The following NOXO1 variants were observed in gnomAD, a reference collection of about 807,000 sequenced individuals.
NOXO1 encodes the protein NADPH oxidase regulatory protein.
A neutral mutation model predicts 33.3 loss-of-function variants in NOXO1; 38 were observed. The observed-to-expected ratio is 1.14, with a 90% CI of 0.88 to 1.50. The LOEUF (loss-of-function observed/expected upper bound fraction) is 1.50, where lower values mean the gene tolerates loss of function less well. NOXO1 is among the 40% of genes most tolerant of loss of function. The pLI, the probability that NOXO1 is intolerant of heterozygous loss-of-function variation, is 0.00. For synonymous variants in NOXO1, 302 were observed against 237.3 expected, an observed-to-expected ratio of 1.27 and a Z score of -2.51; for missense variants, 675 against 527.1, an observed-to-expected ratio of 1.28 and a Z score of -2.75.
intron 3 of NOXO1, 24 bp from the exon 4 acceptor site, chr16:1,980,568 T>C (rs2083484258): frequency 6.3e-7 from 1 of 1,597,376 alleles, no homozygotes; most frequent in Admixed American, 1.7e-5. Context: ...AAAAACGTAC[T>C]GTGATACGCC....
rs1263958574 is a variant in NOXO1 at position 1,979,547 on chromosome 16, T to G, written c.701-5A>C. 6.2e-7 allele frequency: 1 copy of G among 1,605,214 alleles called. No homozygotes were observed. The highest frequency in any genetic ancestry group is 1.1e-5 in the South Asian group (1 of 90,294). Reference sequence around the variant, plus strand: ...GGGAAGCACAGAACTGGGGACCTGGTGGGAGTGGGTGTTTGGAGTCACCGC... The same window carrying G: ...GGGAAGCACAGAACTGGGGACCTGGGGGGAGTGGGTGTTTGGAGTCACCGC... On this transcript the variant is annotated splice_region_variant and splice_polypyrimidine_tract_variant and intron_variant, in intron 6 of 7. Coordinates refer to ENST00000356120, the MANE Select transcript of NOXO1 (RefSeq NM_172167.3).
In NOXO1 at chr16:1,981,370, C is replaced by T. The variant is rs1253299402; in HGVS notation, c.-191G>A. ...GCTTTCTTGCTGTCCCCCAAGCCCA[C>T]GATCTGGGGGCAGGAGCACAGGGAT... On this transcript the variant is annotated 5_prime_UTR_variant, in exon 1 of 8. The change creates a new upstream start codon in the 5' untranslated region. Coordinates refer to ENST00000356120, the MANE Select transcript of NOXO1 (RefSeq NM_172167.3). 8.7e-6 allele frequency: 12 copies of T among 1,371,484 alleles called. No individual in the cohort carries two copies. Among genetic ancestry groups the T allele is most frequent in the African/African-American group, 2.9e-5 (2 of 68,508 alleles). The allele number at this position is 1,371,484 out of a possible 1,614,324, so 85.0% of individuals were successfully genotyped here.
At chr16:1,980,250 G>A in intron 4 of NOXO1, 69 bp from the exon 5 acceptor site, 2 of 1,523,644 alleles carry the variant, frequency 1.3e-6, no homozygotes, top group Non-Finnish European at 8.8e-7. Context: ...GCGCCACCCC[G>A]GCAAGACCGC....
rs777520125 is a variant in NOXO1 at position 1,979,333 on chromosome 16, C to A, written c.835G>T (p.Gly279Cys). 1.3e-6 allele frequency: 2 copies of A among 1,574,944 alleles called. No homozygotes were observed. The highest frequency in any genetic ancestry group is 1.7e-6 in the Non-Finnish European group (2 of 1,167,804). ...WWLCRYGDRAGLLPAVLLRPE... is the reference protein window; with the variant it reads ...WWLCRYGDRACLLPAVLLRPE... ...CGCAGCAGCACCGCGGGGAGTAGGC[C>A]CGCCCGGTCGCCGTACCTGCGAGGG... The change falls in exon 8 of 8, where the codon GGC becomes TGC. Residue 279 changes from glycine (G) to cysteine (C), a missense_variant. Coordinates refer to ENST00000356120, the MANE Select transcript of NOXO1 (RefSeq NM_172167.3).
Position 1,980,358 on chromosome 16 carries a change from G to C in NOXO1, c.401+9C>G. ...GCTGCATGCTGGGAGTTTGGGGCGA[G>C]TCAGGCACCTGCCGGGTGGCAGCGC... On this transcript the variant is annotated intron_variant, in intron 4 of 7. Coordinates refer to ENST00000356120, the MANE Select transcript of NOXO1 (RefSeq NM_172167.3). 2.5e-6 allele frequency: 4 copies of C among 1,598,414 alleles called. No homozygotes were observed. The highest frequency in any genetic ancestry group is 3.4e-6 in the Non-Finnish European group (4 of 1,177,988).
chr16:1,979,397 T>G, intron 7 of NOXO1, 28 bp downstream of exon 7: 1 of 1,599,744 alleles, frequency 6.3e-7, no homozygotes, highest in Non-Finnish European at 8.5e-7. Flanking sequence ...TCGGCTAGCC[T>G]GCCCTGCCCA....
chr16:1,979,339 G>C lies in NOXO1; in HGVS notation c.829C>G (p.Arg277Gly). Residue 277 changes from arginine (R) to glycine (G), a missense_variant, in exon 8 of 8, where the codon CGG becomes GGG. Physicochemically the swap from Arg to Gly is moderately radical, Grantham distance 125 (BLOSUM62 -2). Transcript: ENST00000356120. The part of the protein sequence containing the change: ...RGWWLCRYGD[R>G]AGLLPAVLLR... Reference sequence around the variant, plus strand: ...AGCACCGCGGGGAGTAGGCCCGCCCGGTCGCCGTACCTGCGAGGGGCGGGG... The same window carrying C: ...AGCACCGCGGGGAGTAGGCCCGCCCCGTCGCCGTACCTGCGAGGGGCGGGG... The C allele has an allele frequency of 6.3e-7, 1 of 1,576,064 alleles. No homozygotes were observed. The highest frequency in any genetic ancestry group is 1.1e-5 in the South Asian group (1 of 87,858).
At position 1,979,522 on chromosome 16, in the gene NOXO1, G is replaced by C. The variant is rs142869246; in HGVS notation, c.721C>G (p.Arg241Gly). ...TCTGCGCGGCTGCTCTCGTAGGCGC[G>C]GGAAGCACAGAACTGGGGACCTGGT... ...GSSGPQFCASRAYESSRADEL... is the reference protein window; with the variant it reads ...GSSGPQFCASGAYESSRADEL... The change falls in exon 7 of 8, where the codon CGC becomes GGC. Residue 241 changes from arginine (R) to glycine (G), a missense_variant. Arg to Gly is a moderately radical substitution (Grantham distance 125, BLOSUM62 -2). Transcript: ENST00000356120. The C allele has an allele frequency of 6.2e-7, 1 of 1,611,124 alleles. No homozygotes were observed. Among genetic ancestry groups the C allele is most frequent in the African/African-American group, 1.3e-5 (1 of 75,002 alleles).
chr16:1,979,580 C>T (rs1459728843), intron 6 of NOXO1, 38 bp from the exon 7 acceptor site: 1 of 1,536,942 alleles, frequency 6.5e-7, no homozygotes, highest in African/African-American at 1.4e-5. Context: ...CGCGGGGCCA[C>T]AGAGGACGAG....
chr16:1,981,159 T>G lies in NOXO1; in HGVS notation c.21A>C (p.Pro7=). MAGPRY[P]VSVQGAALVQ... ...CCAGGGCTGCCCCTTGCACTGAAAC[T>G]GGGTATCGGGGGCCTGCCATGGCTG... Residue 7 remains proline (P), a synonymous_variant, in exon 1 of 8, where the codon CCA becomes CCC. Coordinates refer to ENST00000356120, the MANE Select transcript of NOXO1 (RefSeq NM_172167.3). The G allele has an allele frequency of 1.5e-5, 24 of 1,613,514 alleles. No homozygotes were observed. Among genetic ancestry groups the G allele is most frequent in the Non-Finnish European group, 2.0e-5 (24 of 1,180,008 alleles).
In NOXO1 at chr16:1,979,480, CG is replaced by C. The variant is rs2083453054; in HGVS notation, c.762del (p.Ala255ArgfsTer41). The C allele has an allele frequency of 6.2e-7, 1 of 1,611,788 alleles. No individual in the cohort carries two copies. The highest frequency in any genetic ancestry group is 8.5e-7 in the Non-Finnish European group (1 of 1,179,536). The stretch of plus-strand genomic sequence containing the variant: ...TCCAACACGCGCACGCGCGCCCCCG[CG>C]GGCACGGACAGCTCATCTGCGCGGC... ...ESSRADELSVPAGARVRVLET... is the reference protein window; with the variant it reads ...ESSRADELSVXAGARVRVLET... On this transcript the variant is annotated frameshift_variant, in exon 7 of 8. Transcript: ENST00000356120. LOFTEE classifies it high-confidence loss of function.
chr16:1,979,404 C>T, intron 7 of NOXO1, 21 bp downstream of exon 7: 1 of 1,602,490 alleles, frequency 6.2e-7, no homozygotes. Flanking sequence ...GCCTGCCCTG[C>T]CCACGCCCGC....
Position 1,979,258 on chromosome 16 carries a change from C to T in NOXO1, c.910G>A (p.Asp304Asn). The change falls in exon 8 of 8, where the codon GAC becomes AAC. Residue 304 changes from aspartate to asparagine, a missense_variant. By Grantham distance (23) the Asp-to-Asn change is conservative (BLOSUM62 1). Transcript: ENST00000356120. Reference sequence around the variant, plus strand: ...CCCCGGGCCTCACCCGCCGGGTCGTCTCCTCCACGGAACCCCGTCCCGCTC... The same window carrying T: ...CCCCGGGCCTCACCCGCCGGGTCGTTTCCTCCACGGAACCCCGTCCCGCTC... ...LLSGTGFRGGDDPAGEARGFP... is the reference protein window; with the variant it reads ...LLSGTGFRGGNDPAGEARGFP... 1 of 1,530,696 alleles carries T rather than the reference C, an allele frequency of 6.5e-7. No individual in the cohort carries two copies. The highest frequency in any genetic ancestry group is 8.7e-7 in the Non-Finnish European group (1 of 1,145,718). 94.8% of individuals were successfully genotyped at this position (1,530,696 alleles called of 1,614,324 possible). A position where few individuals can be genotyped will look rare whatever the true frequency, so the allele number is the denominator to read the frequency against.
Position 1,980,709 on chromosome 16 carries a change from G to A in NOXO1, c.170C>T (p.Pro57Leu). Reference sequence around the variant, plus strand: ...TCTCCGCAGCAGGCCCGCCTCCACCGGGAAGGTCTCCTTGAGGGTCTTCTG... The same window carrying A: ...TCTCCGCAGCAGGCCCGCCTCCACCAGGAAGGTCTCCTTGAGGGTCTTCTG... ...QLKKTLKETF[P>L]VEAGLLRRSD... Residue 57 changes from proline (P) to leucine (L), a missense_variant, in exon 3 of 8, where the codon CCG (proline) becomes CTG (leucine). Pro to Leu is a moderately conservative substitution (Grantham distance 98). Transcript: ENST00000356120. 1 of 1,605,400 alleles carries A rather than the reference G, an allele frequency of 6.2e-7. No homozygotes were observed. Among genetic ancestry groups the A allele is most frequent in the South Asian group, 1.1e-5 (1 of 89,660 alleles).
chr16:1,980,301 C>G (rs2083476240), intron 4 of NOXO1, 66 bp downstream of exon 4: 3 of 1,541,300 alleles, frequency 1.9e-6, no homozygotes, highest in Non-Finnish European at 2.6e-6. Context: ...GCTGTTCCCC[C>G]CCACCCTGGA....
rs990630897 is a variant in NOXO1 at position 1,979,597 on chromosome 16, C to A, written c.701-55G>T. On this transcript the variant is annotated intron_variant, in intron 6 of 7. Coordinates refer to ENST00000356120, the MANE Select transcript of NOXO1 (RefSeq NM_172167.3). The stretch of plus-strand genomic sequence containing the variant: ...CGGGGCCACAGAGGACGAGGCCCGC[C>A]CGCACCCTTCTCCACATTCTCCTTG... 3 of 1,457,726 alleles carry A rather than the reference C, an allele frequency of 2.1e-6. No homozygotes were observed. The African/African-American group carries it at 4.2e-5, about 20-fold the overall frequency. The allele number at this position is 1,457,726 out of a possible 1,614,324, so 90.3% of individuals were successfully genotyped here.
chr16:1,979,166 G>A lies in NOXO1; in HGVS notation c.1002C>T (p.Ala334=). ...TGACGGTGCAGCAGCGGCTCTGGAT[G>A]GCGCCCGGCGAAGGTCGGGTGGGCA... ...PTVPTRPSPG[A]IQSRCCTVTR... is the part of the protein sequence containing the mutation. Residue 334 remains alanine (A), a synonymous_variant, in exon 8 of 8, where the codon GCC becomes GCT. Coordinates refer to ENST00000356120, the MANE Select transcript of NOXO1 (RefSeq NM_172167.3). 1 of 1,458,604 alleles carries A rather than the reference G, an allele frequency of 6.9e-7. No individual in the cohort carries two copies. Among genetic ancestry groups the A allele is most frequent in the Non-Finnish European group, 9.0e-7 (1 of 1,115,070 alleles). The allele number at this position is 1,458,604 out of a possible 1,614,324, so 90.4% of individuals were successfully genotyped here.
chr16:1,980,987 GC>G lies in NOXO1; in HGVS notation c.98del (p.Gly33AlafsTer104), dbSNP rs1157211022. The G allele has an allele frequency of 6.2e-7, 1 of 1,613,142 alleles. No homozygotes were observed. Among genetic ancestry groups the G allele is most frequent in the Non-Finnish European group, 8.5e-7 (1 of 1,180,014 alleles). ...TFAFSVRWSD[G>X]SDTFVRRSWD... is the part of the protein sequence containing the mutation. ...AACTCCTGCGCACGAAGGTGTCGCTGCCGTCTGACCAGCGCACAGAGAAGGC... is the reference window on the plus strand; with the variant it reads ...AACTCCTGCGCACGAAGGTGTCGCTGCGTCTGACCAGCGCACAGAGAAGGC... On this transcript the variant is annotated frameshift_variant, in exon 2 of 8. Transcript: ENST00000356120. LOFTEE classifies it high-confidence loss of function.
In NOXO1 at chr16:1,979,083, T is replaced by G. The variant is rs2083437928; in HGVS notation, c.1085A>C (p.Asp362Ala). 1 of 1,524,386 alleles carries G rather than the reference T, an allele frequency of 6.6e-7. No individual in the cohort carries two copies. Among genetic ancestry groups the G allele is most frequent in the Admixed American group, 2.2e-5 (1 of 45,130 alleles). 94.4% of individuals were successfully genotyped at this position (1,524,386 alleles called of 1,614,324 possible). ...CTCCGTCGTGGGGTGCGGCACAGAG[T>G]CCACGCACCCTCGAGGGCGGCCCTG... Reference protein sequence around the residue: ...RRQGRPRGCVDSVPHPTTEQ With the variant: ...RRQGRPRGCVASVPHPTTEQ The change falls in exon 8 of 8, where the codon GAC becomes GCC. Residue 362 changes from aspartate to alanine, a missense_variant. By Grantham distance (126) the Asp-to-Ala change is moderately radical (BLOSUM62 -2). Coordinates refer to ENST00000356120, the MANE Select transcript of NOXO1 (RefSeq NM_172167.3).
Sources: allele counts gnomAD v4.1 joint callset, GRCh38; gene constraint gnomAD v4.1.1; transcripts MANE v1.5; gene names NCBI Gene and HGNC (gene_info 2026-07-23, HGNC 2026-07-21).